Variants in RBPJ observed in about 807,000 individuals in gnomAD.
The protein encoded by RBPJ is recombining binding protein suppressor of hairless.
Under a neutral mutation model 67.8 loss-of-function variants are expected in RBPJ, and 9 were observed. The observed-to-expected ratio is 0.13, with a 90% CI of 0.08 to 0.23. The LOEUF (loss-of-function observed/expected upper bound fraction) is 0.23, where lower values mean the gene tolerates loss of function less well. Ranked by LOEUF, RBPJ falls within the 10% of genes least tolerant of loss-of-function variation. RBPJ has a pLI of 1.00. For synonymous variants in RBPJ, 198 were observed against 203.3 expected (o/e 0.97, Z 0.22); for missense variants, 305 against 595.6 (o/e 0.51, Z 5.08).
At chr4:26,294,875 C>CAAA in intron 1 of RBPJ, among the ~76,000 whole-genome samples, 1 of 120,856 alleles carries the variant, frequency 8.3e-6, no homozygotes, top group African/African-American at 2.9e-5. Flanking sequence ...GACTCCGTCT[C>CAAA]AAAAAAAAAA....
intron 1 of RBPJ, among the ~76,000 whole-genome samples, chr4:26,206,237 T>C (rs1256074603): frequency 6.6e-6 from 1 of 152,216 alleles, no homozygotes; most frequent in East Asian, 1.9e-4. Context: ...TGGTTTTCAT[T>C]TGCCAAGATT....
chr4:26,234,336 C>T (rs1199514568), intron 1 of RBPJ, among the ~76,000 whole-genome samples: 3 of 152,174 alleles, frequency 2.0e-5, no homozygotes, highest in South Asian at 2.1e-4. Flanking sequence ...CTGCAGAAAG[C>T]AGTCCTATTA....
intron 1 of RBPJ, among the ~76,000 whole-genome samples, chr4:26,325,324 A>G (rs1251246734): frequency 3.9e-5 from 6 of 152,204 alleles, no homozygotes; most frequent in Non-Finnish European, 5.9e-5. Context: ...TTCTACATGT[A>G]GCAGAGCAGT....
At chr4:26,220,236 C>T (rs939220178) in intron 1 of RBPJ, among the ~76,000 whole-genome samples, 1 of 152,122 alleles carries the variant, frequency 6.6e-6, no homozygotes, top group Non-Finnish European at 1.5e-5. Context: ...TAGTTGACTA[C>T]CTGGAGCATA....
intron 1 of RBPJ, among the ~76,000 whole-genome samples, chr4:26,327,542 G>GTTTTT (rs11350013): frequency 1.6e-3 from 166 of 104,872 alleles, no homozygotes; most frequent in Middle Eastern, 6.9e-3. Context: ...GACCCTGGAG[G>GTTTTT]TTTTTTTTTT....
chr4:26,361,058 CGTGT>C (rs55870302), intron 1 of RBPJ, among the ~76,000 whole-genome samples: 47 of 148,764 alleles, frequency 3.2e-4, no homozygotes, highest in Non-Finnish European at 5.1e-4. Context: ...AGTGTGTGTG[CGTGT>C]GTGTGTGTGT....
intron 1 of RBPJ, among the ~76,000 whole-genome samples, chr4:26,212,439 T>TTCTTTTC (rs1718460734): frequency 7.4e-6 from 1 of 135,650 alleles, no homozygotes; most frequent in Non-Finnish European, 1.6e-5. Flanking sequence ...TTTCTTTTTT[T>TTCTTTTC]TTTTTTTTTT....
At chr4:26,353,241 C>T (rs930401034) in intron 1 of RBPJ, among the ~76,000 whole-genome samples, 1 of 152,172 alleles carries the variant, frequency 6.6e-6, no homozygotes, top group Admixed American at 6.5e-5. Flanking sequence ...ACATGATTTT[C>T]ATTTATGTCA....
chr4:26,373,926 T>TC (rs1430084291), intron 1 of RBPJ, among the ~76,000 whole-genome samples: 1 of 146,418 alleles, frequency 6.8e-6, no homozygotes, highest in African/African-American at 2.5e-5. Flanking sequence ...TTTTTTTTTT[T>TC]TTTTTTTTTG....
chr4:26,297,400 G>A (rs1037484476), intron 1 of RBPJ, among the ~76,000 whole-genome samples: 1 of 152,002 alleles, frequency 6.6e-6, no homozygotes, highest in African/African-American at 2.4e-5. Flanking sequence ...GAGAGAGACG[G>A]TGTATGGGGG....
intron 1 of RBPJ, among the ~76,000 whole-genome samples, chr4:26,305,766 C>CTTTTTTTT (rs1722212611): frequency 5.2e-5 from 3 of 57,656 alleles, no homozygotes; most frequent in African/African-American, 2.2e-4. Context: ...TTAGAATTTT[C>CTTTTTTTT]TTTTCTTTTT....
At chr4:26,140,894 AGAG>A in the RBPJ span, among the ~76,000 whole-genome samples, 1 of 150,522 alleles carries the variant, frequency 6.6e-6, no homozygotes, top group African/African-American at 2.5e-5. Flanking sequence ...TGAGAATGGC[AGAG>A]GAGAATTCTA....
chr4:26,113,217 C>A, the RBPJ span: 1 of 287,926 alleles, frequency 3.5e-6, no homozygotes, highest in Non-Finnish European at 7.0e-6. Flanking sequence ...AGATAGTACA[C>A]ATGGGGGGAA....
chr4:26,335,467 A>AC (rs1343421397), intron 1 of RBPJ, among the ~76,000 whole-genome samples: 1 of 151,782 alleles, frequency 6.6e-6, no homozygotes, highest in African/African-American at 2.4e-5. Context: ...GGCATGAGCC[A>AC]CCGTGCCCGG....
chr4:26,265,496 C>G (rs73245749), intron 1 of RBPJ, among the ~76,000 whole-genome samples: 72 of 149,706 alleles, frequency 4.8e-4, no homozygotes, highest in Non-Finnish European at 8.7e-4. Context: ...CAGCCTGGGC[C>G]ATAGAGTGAG....
the RBPJ span, among the ~76,000 whole-genome samples, chr4:26,145,327 G>C: frequency 6.6e-6 from 1 of 152,250 alleles, no homozygotes; most frequent in East Asian, 1.9e-4. Context: ...ACCACCATCA[G>C]ATTAAGATGG....
chr4:26,262,573 C>G (rs2109252016), intron 1 of RBPJ, among the ~76,000 whole-genome samples: 1 of 152,312 alleles, frequency 6.6e-6, no homozygotes, highest in East Asian at 1.9e-4. Flanking sequence ...ATTCTTCTTC[C>G]TAGATTCTTC....
At chr4:26,321,607 A>G (rs530676568) in intron 1 of RBPJ, 2 of 153,252 alleles carry the variant, frequency 1.3e-5, no homozygotes, top group Admixed American at 6.5e-5. Context: ...TCGTTAGCCC[A>G]GTGACCTGCC....
intron 2 of RBPJ, among the ~76,000 whole-genome samples, chr4:26,395,148 A>G (rs1410701893): frequency 6.6e-6 from 1 of 152,162 alleles, no homozygotes; most frequent in Non-Finnish European, 1.5e-5. Context: ...TAATACCTTA[A>G]GGTGAAGGTT....
Sources: gnomAD v4.1 joint callset for allele counts (sites outside exome capture counted in the v4.1 genomes callset) on GRCh38, gnomAD v4.1.1 for gene constraint, MANE v1.5 for transcripts, NCBI Gene and HGNC (gene_info 2026-07-23, HGNC 2026-07-21) for gene names.